FRMD5: variants seen among roughly 807,000 people sequenced by gnomAD.
FRMD5 encodes the protein FERM domain containing 5.
A neutral mutation model predicts 69.0 loss-of-function variants in FRMD5; 20 were observed. That is an observed-to-expected ratio of 0.29 (90% CI 0.20 to 0.42). The LOEUF is 0.42. Among genes scored for constraint, FRMD5 ranks in the 10% least tolerant of loss-of-function variants. FRMD5 has a pLI of 1.00. For synonymous variants in FRMD5, 271 were observed against 260.1 expected (o/e 1.04, Z -0.40); for missense variants, 595 against 708.6 (o/e 0.84, Z 1.82).
chr15:43,922,397 T>C (rs2089509387), intron 2 of FRMD5, among the ~76,000 whole-genome samples: 2 of 152,288 alleles, frequency 1.3e-5, no homozygotes, highest in South Asian at 4.1e-4. Flanking sequence ...CAGTGAGCAG[T>C]ATACATCAGC....
intron 6 of FRMD5, 31 bp downstream of exon 6, chr15:43,905,797 A>G (rs1427406172): frequency 1.9e-6 from 3 of 1,612,310 alleles, no homozygotes; most frequent in Non-Finnish European, 1.7e-6. Flanking sequence ...GAGAAGCCAC[A>G]ATGTTCTGGG....
At chr15:44,022,687 C>T (rs1371784864) in intron 1 of FRMD5, among the ~76,000 whole-genome samples, 1 of 146,172 alleles carries the variant, frequency 6.8e-6, no homozygotes, top group Non-Finnish European at 1.5e-5. Flanking sequence ...AAAAATTTAA[C>T]AATCGTATTT....
chr15:43,880,937 G>A lies in FRMD5; in HGVS notation c.1135+2766C>T, dbSNP rs560403701. On this transcript the variant is annotated intron_variant, in intron 13 of 13. Transcript: ENST00000417257. Reference sequence around the variant, plus strand: ...GGAGGTAAAGCCAGAGCTGAATGGGGACCTGACTCAGCCTCAGCATGTCTC... The same window carrying A: ...GGAGGTAAAGCCAGAGCTGAATGGGAACCTGACTCAGCCTCAGCATGTCTC... Among the ~76,000 whole-genome samples, 82 of 152,316 alleles carry A rather than the reference G, an allele frequency of 5.4e-4. 1 individual carries two copies. Among genetic ancestry groups the A allele is most frequent in the Non-Finnish European group, 1.0e-3 (69 of 68,032 alleles).
intron 1 of FRMD5, among the ~76,000 whole-genome samples, chr15:44,013,333 A>C (rs1414869252): frequency 6.6e-6 from 1 of 152,188 alleles, no homozygotes; most frequent in Non-Finnish European, 1.5e-5. Context: ...TTTGAGGTTA[A>C]GTCCCTAAGT....
chr15:43,964,139 A>G (rs778899886), intron 1 of FRMD5, among the ~76,000 whole-genome samples: 76 of 152,154 alleles, frequency 5.0e-4, no homozygotes, highest in Admixed American at 2.9e-3. Flanking sequence ...TTTTGTTATA[A>G]TCATAGATTA....
intron 1 of FRMD5, among the ~76,000 whole-genome samples, chr15:44,180,562 A>G (rs890103188): frequency 5.9e-5 from 9 of 152,230 alleles, no homozygotes; most frequent in African/African-American, 2.2e-4. Flanking sequence ...ACATGGGCGG[A>G]TCACTTGAGG....
chr15:44,187,753 G>T (rs2078126140), intron 1 of FRMD5, among the ~76,000 whole-genome samples: 1 of 152,014 alleles, frequency 6.6e-6, no homozygotes. Flanking sequence ...ATTTTTTGTA[G>T]AGACAAGGTC....
chr15:44,010,111 T>A (rs971078377), intron 1 of FRMD5, among the ~76,000 whole-genome samples: 7 of 152,254 alleles, frequency 4.6e-5, no homozygotes, highest in African/African-American at 1.7e-4. Context: ...TCCACTAAGA[T>A]TGATCAGGCT....
intron 1 of FRMD5, among the ~76,000 whole-genome samples, chr15:44,108,434 C>T (rs1371908172): frequency 6.6e-6 from 1 of 152,160 alleles, no homozygotes; most frequent in Non-Finnish European, 1.5e-5. Context: ...CACCTGAGGT[C>T]TGGAGTTCGA....
At chr15:44,110,353 C>T (rs1247010971) in intron 1 of FRMD5, among the ~76,000 whole-genome samples, 1 of 152,178 alleles carries the variant, frequency 6.6e-6, no homozygotes, top group Non-Finnish European at 1.5e-5. Context: ...GCACCATGCC[C>T]AGCTACGTGC....
intron 1 of FRMD5, among the ~76,000 whole-genome samples, chr15:44,119,025 T>C (rs997197893): frequency 6.6e-6 from 1 of 151,982 alleles, no homozygotes; most frequent in Admixed American, 6.6e-5. Flanking sequence ...TGCAATGGCG[T>C]GATCACAGCT....
chr15:43,943,259 A>G (rs1257968922), intron 1 of FRMD5, among the ~76,000 whole-genome samples: 1 of 152,122 alleles, frequency 6.6e-6, no homozygotes, highest in Non-Finnish European at 1.5e-5. Context: ...AAAGAAAAGA[A>G]AAAAGAGACA....
intron 1 of FRMD5, among the ~76,000 whole-genome samples, chr15:43,983,088 A>G (rs1297353961): frequency 6.6e-6 from 1 of 151,980 alleles, no homozygotes; most frequent in African/African-American, 2.4e-5. Flanking sequence ...GTGCCATCAC[A>G]TCTGGCTAAT....
At chr15:43,903,089 A>G (rs2089085750) in intron 6 of FRMD5, among the ~76,000 whole-genome samples, 1 of 152,234 alleles carries the variant, frequency 6.6e-6, no homozygotes, top group Non-Finnish European at 1.5e-5. Context: ...GGCCTTTGGC[A>G]TCACCCCTTC....
At position 44,095,020 on chromosome 15, in the gene FRMD5, C is replaced by T. The variant is rs76438670; in HGVS notation, c.102+99933G>A. ...GGAGCCAGCCGACATAGAGTCCCACCCAACAGGATTAATATAATCTAGCAG... is the reference window on the plus strand; with the variant it reads ...GGAGCCAGCCGACATAGAGTCCCACTCAACAGGATTAATATAATCTAGCAG... On this transcript the variant is annotated intron_variant, in intron 1 of 13. Coordinates refer to ENST00000417257, the MANE Select transcript of FRMD5 (RefSeq NM_032892.5). Among the ~76,000 whole-genome samples the T allele has an allele frequency of 7.2e-3, 1,099 of 151,878 alleles. 14 individuals carry two copies. Among genetic ancestry groups the T allele is most frequent in the African/African-American group, 0.026 (1,056 of 41,382 alleles).
Position 44,047,756 on chromosome 15 carries a change from C to T in FRMD5, c.103-123447G>A, listed in dbSNP as rs72716070. Among the ~76,000 whole-genome samples, 1,474 of 152,270 alleles carry T rather than the reference C, an allele frequency of 9.7e-3. 10 individuals carry two copies. The highest frequency in any genetic ancestry group is 0.016 in the Non-Finnish European group (1,061 of 68,024). ...AATCCCTACCAACGCCTGGCAACTA[C>T]TAATCTATTTTTTGTCTCTAATGGT... On this transcript the variant is annotated intron_variant, in intron 1 of 13. Coordinates refer to ENST00000417257, the MANE Select transcript of FRMD5 (RefSeq NM_032892.5).
intron 1 of FRMD5, among the ~76,000 whole-genome samples, chr15:44,146,390 C>T (rs930683948): frequency 1.3e-5 from 2 of 152,168 alleles, no homozygotes; most frequent in African/African-American, 4.8e-5. Flanking sequence ...TTTATCCAGT[C>T]TATCATTGAT....
chr15:44,188,407 C>G (rs1379728571), intron 1 of FRMD5, among the ~76,000 whole-genome samples: 1 of 152,164 alleles, frequency 6.6e-6, no homozygotes, highest in East Asian at 1.9e-4. Context: ...CATTTTACAT[C>G]CAGTCAATCA....
At chr15:44,021,983 T>C (rs1229462505) in intron 1 of FRMD5, among the ~76,000 whole-genome samples, 28 of 152,154 alleles carry the variant, frequency 1.8e-4, no homozygotes, top group Admixed American at 1.8e-3. Context: ...TGGTACATGC[T>C]ACAAGATAGA....
Sources: gnomAD v4.1 joint callset for allele counts (sites outside exome capture counted in the v4.1 genomes callset) on GRCh38, gnomAD v4.1.1 for gene constraint, MANE v1.5 for transcripts, NCBI Gene and HGNC (gene_info 2026-07-23, HGNC 2026-07-21) for gene names.